ABLIM3: variants seen among roughly 807,000 people sequenced by gnomAD.
ABLIM3 encodes actin-binding LIM protein 3.
A neutral mutation model predicts 109.5 loss-of-function variants in ABLIM3; 61 were observed. The observed-to-expected ratio is 0.56, with a 90% confidence interval of 0.45 to 0.69. ABLIM3 has a LOEUF of 0.69. ABLIM3 is among the 30% of genes least tolerant of loss of function. The pLI, the probability that ABLIM3 is intolerant of heterozygous loss-of-function variation, is 0.00. For synonymous variants in ABLIM3, 300 were observed against 324.8 expected, an observed-to-expected ratio of 0.92 and a Z score of 0.82; for missense variants, 796 against 889.5, an observed-to-expected ratio of 0.89 and a Z score of 1.34.
At chr5:149,144,964 T>A (rs1182165764) in intron 2 of ABLIM3, among the ~76,000 whole-genome samples, 1 of 152,184 alleles carries the variant, frequency 6.6e-6, no homozygotes, top group Non-Finnish European at 1.5e-5. Context: ...GGTTTCAAAT[T>A]CTGCAAATAC....
At chr5:149,247,958 G>A in intron 18 of ABLIM3, 29 bp downstream of exon 18, 1 of 1,605,542 alleles carries the variant, frequency 6.2e-7, no homozygotes, top group Non-Finnish European at 8.5e-7. Context: ...GCCCAACGGG[G>A]CGGGGACACC....
At chr5:149,172,301 G>T (rs1166106952) in intron 2 of ABLIM3, among the ~76,000 whole-genome samples, 1 of 152,174 alleles carries the variant, frequency 6.6e-6, no homozygotes, top group Non-Finnish European at 1.5e-5. Flanking sequence ...AATTCTGATT[G>T]TACTAAGTTT....
chr5:149,170,288 C>G (rs4705325), intron 2 of ABLIM3, among the ~76,000 whole-genome samples: 45,189 of 149,472 alleles, frequency 0.3, 7,060 homozygotes, highest in East Asian at 0.51. Flanking sequence ...CTCTCTCTCT[C>G]TCCGTCTCTA....
At chr5:149,178,243 T>C (rs543383384) in intron 2 of ABLIM3, among the ~76,000 whole-genome samples, 17 of 152,288 alleles carry the variant, frequency 1.1e-4, no homozygotes, top group Admixed American at 9.8e-4. Context: ...GGACCCACAG[T>C]TGGGTCTTCT....
At chr5:149,202,015 T>C (rs1758541378) in intron 5 of ABLIM3, among the ~76,000 whole-genome samples, 1 of 152,250 alleles carries the variant, frequency 6.6e-6, no homozygotes, top group African/African-American at 2.4e-5. Context: ...ACATTGCTTA[T>C]ATAAAATGCT....
intron 20 of ABLIM3, 94 bp downstream of exon 20, chr5:149,250,599 G>A (rs2127572321): frequency 6.9e-7 from 1 of 1,440,440 alleles, no homozygotes; most frequent in Non-Finnish European, 9.7e-7. Flanking sequence ...CCTGAGCAAA[G>A]GTCCTGGGGC....
rs576555012 is a variant in ABLIM3, at chr5:149,239,829, A to G, written c.1145A>G (p.Tyr382Cys). 4.1e-5 allele frequency: 66 copies of G among 1,611,004 alleles called. No individual in the cohort carries two copies. In the South Asian group the frequency reaches 6.8e-4, roughly 17 times the overall value. ...CCGGGGTACATAGACTCCCCCACCT[A>G]CAGCCGGCAGGGCATGTCCCCCACC... ...SSPGYIDSPT[Y>C]SRQGMSPTFS... The change falls in exon 13 of 24, where the codon TAC becomes TGC. Residue 382 changes from tyrosine (Y) to cysteine (C), a missense_variant. Tyr to Cys is a radical substitution (Grantham distance 194, BLOSUM62 -2). Transcript: ENST00000309868.
At chr5:149,194,936 A>T (rs1489924542) in intron 3 of ABLIM3, among the ~76,000 whole-genome samples, 2 of 152,178 alleles carry the variant, frequency 1.3e-5, no homozygotes, top group Non-Finnish European at 2.9e-5. Flanking sequence ...TAAACCATAC[A>T]TACATATTCT....
chr5:149,233,431 G>A, intron 10 of ABLIM3, 131 bp downstream of exon 10: 1 of 946,592 alleles, frequency 1.1e-6, no homozygotes, highest in Non-Finnish European at 1.7e-6. Flanking sequence ...CATGTGCTAG[G>A]CTCTGTACCA....
In ABLIM3 at chr5:149,191,143, T is replaced by C. The variant is rs115708717; in HGVS notation, c.152-7076T>C. Reference sequence around the variant, plus strand: ...GCACAGTGGACAGGATTAGCAAAAGTTGATTCTTTAAAAATACAAGTAAAA... The same window carrying C: ...GCACAGTGGACAGGATTAGCAAAAGCTGATTCTTTAAAAATACAAGTAAAA... On this transcript the variant is annotated intron_variant, in intron 3 of 23. Coordinates refer to ENST00000309868, the MANE Select transcript of ABLIM3 (RefSeq NM_014945.5). Among the ~76,000 whole-genome samples, 808 of 152,286 alleles carry C rather than the reference T, an allele frequency of 5.3e-3. 10 individuals are homozygous for C. The highest frequency in any genetic ancestry group is 0.018 in the African/African-American group (764 of 41,570).
Position 149,259,516 on chromosome 5 carries a change from T to C in ABLIM3, c.*1112T>C. On this transcript the variant is annotated 3_prime_UTR_variant, in exon 24 of 24. Coordinates refer to ENST00000309868, the MANE Select transcript of ABLIM3 (RefSeq NM_014945.5). ...TACCATACCCCCGCCAGTCCTCGGC[T>C]CCTGCTGCAAAGTTGGCCATGTTTC... The C allele has an allele frequency of 1.3e-6, 2 of 1,536,220 alleles. No individual in the cohort carries two copies. Among genetic ancestry groups the C allele is most frequent in the Non-Finnish European group, 1.7e-6 (2 of 1,146,926 alleles).
At chr5:149,195,636 GA>G (rs1408624431) in intron 3 of ABLIM3, among the ~76,000 whole-genome samples, 6 of 152,144 alleles carry the variant, frequency 3.9e-5, no homozygotes, top group African/African-American at 1.4e-4. Flanking sequence ...AAAAAAAAGG[GA>G]AAAAACCGGA....
chr5:149,258,970 T>C lies in ABLIM3; in HGVS notation c.*566T>C, dbSNP rs1754683762. Reference sequence around the variant, plus strand: ...GCCTCAAATCTAGTCATTACACCAGTCAACAGAAGTGGACAGGGCCTAGGC... The same window carrying C: ...GCCTCAAATCTAGTCATTACACCAGCCAACAGAAGTGGACAGGGCCTAGGC... On this transcript the variant is annotated 3_prime_UTR_variant, in exon 24 of 24. Transcript: ENST00000309868. The C allele has an allele frequency of 5.0e-6, 5 of 991,098 alleles. No homozygotes were observed. In the South Asian group the frequency reaches 2.3e-4, roughly 46 times the overall value. 61.4% of individuals were successfully genotyped at this position (991,098 alleles called of 1,614,324 possible).
intron 8 of ABLIM3, among the ~76,000 whole-genome samples, chr5:149,225,905 T>A (rs1761136878): frequency 7.4e-6 from 1 of 135,424 alleles, no homozygotes; most frequent in South Asian, 2.5e-4. Context: ...TATGGCTGAG[T>A]AGTATTCCAT....
At chr5:149,243,127 A>G (rs151250498) in intron 15 of ABLIM3, among the ~76,000 whole-genome samples, 42 of 152,312 alleles carry the variant, frequency 2.8e-4, no homozygotes, top group African/African-American at 9.4e-4. Context: ...AGTGTTTCTT[A>G]AAGAATGATC....
chr5:149,183,948 T>G (rs1318823671), intron 3 of ABLIM3, among the ~76,000 whole-genome samples: 1 of 148,626 alleles, frequency 6.7e-6, no homozygotes, highest in Non-Finnish European at 1.5e-5. Context: ...AGATAGTTTT[T>G]TTTGTTTGTT....
In ABLIM3 at chr5:149,237,383, C is replaced by T. The variant is rs1581208241; in HGVS notation, c.889-65C>T. 7 of 1,529,292 alleles carry T rather than the reference C, an allele frequency of 4.6e-6. No individual in the cohort carries two copies. In the Admixed American group the frequency reaches 7.6e-5, roughly 17 times the overall value. 94.7% of individuals were successfully genotyped at this position (1,529,292 alleles called of 1,614,324 possible). A position where few individuals can be genotyped will look rare whatever the true frequency, so the allele number is the denominator to read the frequency against. On this transcript the variant is annotated intron_variant, in intron 10 of 23. Transcript: ENST00000309868. Reference sequence around the variant, plus strand: ...TCCTTCTGTATCTTGTTTTTGTTTCCTCTCTCCATTCCCTTTTCCCTCTTA... The same window carrying T: ...TCCTTCTGTATCTTGTTTTTGTTTCTTCTCTCCATTCCCTTTTCCCTCTTA...
In ABLIM3 at chr5:149,216,796, G is replaced by C; in HGVS notation, c.670-163G>C. The C allele has an allele frequency of 4.9e-6, 3 of 608,624 alleles. No homozygotes were observed. In the South Asian group the frequency reaches 6.2e-5, roughly 13 times the overall value. 37.7% of individuals were successfully genotyped at this position (608,624 alleles called of 1,614,324 possible). ...GAGTGAATCACGAAGCTTCCCGGCT[G>C]GTCTTTTAGATGGTTGTGGACTCCC... is the stretch of plus-strand genomic sequence containing the variant. On this transcript the variant is annotated intron_variant, in intron 7 of 23. Transcript: ENST00000309868.
At chr5:149,173,622 C>A (rs961650462) in intron 2 of ABLIM3, among the ~76,000 whole-genome samples, 1 of 152,150 alleles carries the variant, frequency 6.6e-6, no homozygotes, top group Non-Finnish European at 1.5e-5. Context: ...TTAGTCGCTG[C>A]GGCTCTGCAT....
Sources: allele counts gnomAD v4.1 joint callset (sites outside exome capture counted in the v4.1 genomes callset), GRCh38; gene constraint gnomAD v4.1.1; transcripts MANE v1.5; gene names NCBI Gene and HGNC (gene_info 2026-07-23, HGNC 2026-07-21).